The following CCDC187 variants were observed in gnomAD, a reference collection of about 807,000 sequenced individuals.
The protein encoded by CCDC187 is coiled-coil domain-containing protein 187.
Under a neutral mutation model 38.0 loss-of-function variants are expected in CCDC187, and 32 were observed. The observed-to-expected ratio is 0.84, with a 90% confidence interval of 0.64 to 1.13. The LOEUF (loss-of-function observed/expected upper bound fraction) is 1.13, where lower values mean the gene tolerates loss of function less well. Ranked by LOEUF, CCDC187 falls within the 50% of genes most tolerant of loss-of-function variation. The pLI is 0.00. For missense variants in CCDC187, 707 were observed against 786.8 expected (o/e 0.90, Z 1.21); for synonymous variants, 333 against 347.9 (o/e 0.96, Z 0.48).
Position 136,286,440 on chromosome 9 carries a change from C to T in CCDC187, c.2478G>A (p.Ala826=), listed in dbSNP as rs1055725506. ...HLRHKQAQLQ[A]LETTAKVLKQ... ...TGAGGACTTTGGCTGTGGTCTCTAG[C>T]GCCTGCAGCTGCGCCTGCTTATGCC... The change falls in exon 8 of 26, where the codon GCG becomes GCA. Residue 826 remains alanine, a synonymous_variant. Transcript: ENST00000638797. 1.0e-5 allele frequency: 4 copies of T among 398,606 alleles called. No homozygotes were observed. Among genetic ancestry groups the T allele is most frequent in the African/African-American group, 4.1e-5 (2 of 48,650 alleles). 24.7% of individuals were successfully genotyped at this position (398,606 alleles called of 1,614,324 possible).
chr9:136,254,905 C>G lies in CCDC187; in HGVS notation c.4923G>C (p.Gln1641His). ...GAAGAGAGCTGGAGCTCCCAGAAAG[C>G]TGGATCAGGGTAGCCGCTGCTTTCT... ...EFQKAAATLI[Q>H]LSGSSSSLPS... Residue 1641 changes from glutamine to histidine, a missense_variant, in exon 26 of 26, where the codon CAG (glutamine) becomes CAC (histidine). Physicochemically the swap from Gln to His is conservative, Grantham distance 24 (BLOSUM62 0). Coordinates refer to ENST00000638797, the MANE Select transcript of CCDC187 (RefSeq NM_001378188.1). The G allele has an allele frequency of 1.0e-6, 1 of 985,542 alleles. No homozygotes were observed. Among genetic ancestry groups the G allele is most frequent in the Non-Finnish European group, 1.2e-6 (1 of 829,994 alleles). The allele number at this position is 985,542 out of a possible 1,614,324, so 61.0% of individuals were successfully genotyped here. A position where few individuals can be genotyped will look rare whatever the true frequency, so the allele number is the denominator to read the frequency against.
chr9:136,267,283 G>C lies in CCDC187; in HGVS notation c.3647+101C>G, dbSNP rs570664403. The C allele has an allele frequency of 4.8e-6, 4 of 838,488 alleles. No individual in the cohort carries two copies. The African/African-American group carries it at 5.8e-5, about 12-fold the overall frequency. 51.9% of individuals were successfully genotyped at this position (838,488 alleles called of 1,614,324 possible). A position where few individuals can be genotyped will look rare whatever the true frequency, so the allele number is the denominator to read the frequency against. On this transcript the variant is annotated intron_variant, in intron 16 of 25. Coordinates refer to ENST00000638797, the MANE Select transcript of CCDC187 (RefSeq NM_001378188.1). ...AAAACGCTGTCGGGGCCACGGGCGG[G>C]ACCCGGACGGGGCAGGGAGGGGGCG... is the stretch of plus-strand genomic sequence containing the variant.
Position 136,267,434 on chromosome 9 carries a change from C to G in CCDC187, c.3597G>C (p.Ala1199=), listed in dbSNP as rs1830766435. The part of the protein sequence containing the change: ...QAALLRLREM[A]LQEKTLAELA... ...GCTCCGCGAGCGTTTTCTCCTGGAG[C>G]GCCATCTCTCGCAGGCGCAGCAGCG... Residue 1199 remains alanine, a synonymous_variant, in exon 16 of 26, where the codon GCG becomes GCC. Coordinates refer to ENST00000638797, the MANE Select transcript of CCDC187 (RefSeq NM_001378188.1). 2.5e-5 allele frequency: 25 copies of G among 985,418 alleles called. No individual in the cohort carries two copies. The highest frequency in any genetic ancestry group is 2.5e-5 in the Non-Finnish European group (21 of 830,000). 61.0% of individuals were successfully genotyped at this position (985,418 alleles called of 1,614,324 possible). A position where few individuals can be genotyped will look rare whatever the true frequency, so the allele number is the denominator to read the frequency against.
chr9:136,261,195 C>T (rs34943056), intron 19 of CCDC187, among the ~76,000 whole-genome samples: 36,485 of 152,004 alleles, frequency 0.24, 5,206 homozygotes, highest in Middle Eastern at 0.47. Flanking sequence ...GACCCCAAGG[C>T]GCCCAGCTCA....
intron 16 of CCDC187, 122 bp downstream of exon 16, chr9:136,267,262 C>T: frequency 1.6e-6 from 1 of 624,880 alleles, no homozygotes; most frequent in Non-Finnish European, 2.0e-6. Flanking sequence ...TTTCTCAAAA[C>T]GCTGTCGGGG....
chr9:136,274,328 C>A (rs1218899221), intron 14 of CCDC187, among the ~76,000 whole-genome samples: 2 of 152,238 alleles, frequency 1.3e-5, no homozygotes, highest in Non-Finnish European at 2.9e-5. Context: ...AGGCTGGTCC[C>A]CCAGCTCTAG....
chr9:136,306,654 A>C (rs1009540836), upstream of CCDC187, among the ~76,000 whole-genome samples: 5 of 152,190 alleles, frequency 3.3e-5, no homozygotes, highest in Admixed American at 6.5e-5. Flanking sequence ...CAGGGTCAGA[A>C]GGCCGGGCGT....
chr9:136,260,777 G>A (rs1554760913), intron 19 of CCDC187, among the ~76,000 whole-genome samples: 1 of 152,234 alleles, frequency 6.6e-6, no homozygotes, highest in African/African-American at 2.4e-5. Context: ...ATGGTCCAGG[G>A]TGAGCAGGAG....
At chr9:136,289,878 C>CCCCAGAACGCA (rs1660721249) in intron 7 of CCDC187, 81 bp downstream of exon 7, 1 of 394,306 alleles carries the variant, frequency 2.5e-6, no homozygotes, top group Non-Finnish European at 4.5e-6. Context: ...GTCACGAGGG[C>CCCCAGAACGCA]CCCAGAACGC....
chr9:136,285,331 A>G (rs994499230), intron 9 of CCDC187, among the ~76,000 whole-genome samples, 182 bp downstream of exon 9: 19 of 152,242 alleles, frequency 1.2e-4, no homozygotes, highest in African/African-American at 4.6e-4. Context: ...CGTCCGAGCC[A>G]GCACCACCTG....
At chr9:136,289,590 C>A (rs934597278) in intron 7 of CCDC187, among the ~76,000 whole-genome samples, 4 of 151,908 alleles carry the variant, frequency 2.6e-5, no homozygotes, top group Admixed American at 6.5e-5. Flanking sequence ...ATGGCTCCCC[C>A]ACAAGGGCTG....
rs1831276862 is a variant in CCDC187 at position 136,289,959 on chromosome 9, C to T, written c.2222G>A (p.Ser741Asn). The T allele has an allele frequency of 2.5e-6, 1 of 398,592 alleles. No homozygotes were observed. Among genetic ancestry groups the T allele is most frequent in the Non-Finnish European group, 4.4e-6 (1 of 226,174 alleles). 24.7% of individuals were successfully genotyped at this position (398,592 alleles called of 1,614,324 possible). Reference sequence around the variant, plus strand: ...GCAGCACCCACACTTTCACACCCACCTGCCTGGGGCTTCCTGGCCCCCCAG... The same window carrying T: ...GCAGCACCCACACTTTCACACCCACTTGCCTGGGGCTTCCTGGCCCCCCAG... ...MVLGGQEAPG[S>N]FCLCLNRAWN... is the part of the protein sequence containing the mutation. The change falls in exon 7 of 26, where the codon AGC (serine) becomes AAC (asparagine). Residue 741 changes from serine (S) to asparagine (N), a missense_variant and splice_region_variant. Ser to Asn is a conservative substitution (Grantham distance 46). Coordinates refer to ENST00000638797, the MANE Select transcript of CCDC187 (RefSeq NM_001378188.1).
At chr9:136,290,250 C>G (rs1426781870) in intron 6 of CCDC187, among the ~76,000 whole-genome samples, 197 bp from the exon 7 acceptor site, 1 of 151,306 alleles carries the variant, frequency 6.6e-6, no homozygotes, top group Non-Finnish European at 1.5e-5. Context: ...CACCCAGGGG[C>G]AAAGGCGCCC....
intron 10 of CCDC187, among the ~76,000 whole-genome samples, chr9:136,276,951 G>C (rs1296123694): frequency 1.3e-5 from 2 of 152,072 alleles, no homozygotes; most frequent in Non-Finnish European, 2.9e-5. Flanking sequence ...GAAGGGCTGG[G>C]AGGGCTGCAG....
rs1484339731 is a variant in CCDC187, at chr9:136,252,202, GC to G, written c.*1391del. 4 of 125,770 alleles carry G rather than the reference GC, an allele frequency of 3.2e-5. No homozygotes were observed. The highest frequency in any genetic ancestry group is 1.2e-4 in the African/African-American group (4 of 33,964). 7.8% of individuals were successfully genotyped at this position (125,770 alleles called of 1,614,324 possible). On this transcript the variant is annotated 3_prime_UTR_variant, in exon 26 of 26. Transcript: ENST00000638797. The stretch of plus-strand genomic sequence containing the variant: ...CCGGGAAGAGCCGGCCGCCCACCCG[GC>G]CCACCCTGGGAAGAGCCGGCCGCCC...
intron 17 of CCDC187, 40 bp downstream of exon 17, chr9:136,265,916 A>G (rs1830738254): frequency 2.1e-6 from 2 of 945,788 alleles, no homozygotes; most frequent in Non-Finnish European, 2.5e-6. Flanking sequence ...TGCCTCTGTG[A>G]GCCGCCCACC....
At chr9:136,265,728 G>T (rs530707470) in intron 17 of CCDC187, 1 of 154,660 alleles carries the variant, frequency 6.5e-6, no homozygotes, top group African/African-American at 2.4e-5. Flanking sequence ...CCAGAAGGCC[G>T]CAGACACTCC....
chr9:136,276,854 C>G (rs1318971601), intron 10 of CCDC187, 127 bp from the exon 11 acceptor site: 2 of 152,212 alleles, frequency 1.3e-5, no homozygotes, highest in African/African-American at 4.8e-5. Context: ...GAAACTGAGG[C>G]ACAGAGGCCA....
chr9:136,272,112 T>G (rs1175455466), intron 14 of CCDC187, among the ~76,000 whole-genome samples: 1 of 151,998 alleles, frequency 6.6e-6, no homozygotes, highest in Non-Finnish European at 1.5e-5. Context: ...GAAGGTGTCC[T>G]TAGACATCCA....
Sources: allele counts gnomAD v4.1 joint callset (sites outside exome capture counted in the v4.1 genomes callset), GRCh38; gene constraint gnomAD v4.1.1; transcripts MANE v1.5; gene names NCBI Gene and HGNC (gene_info 2026-07-23, HGNC 2026-07-21).